Variants in USP31 observed in about 807,000 individuals in gnomAD.
USP31 encodes ubiquitin specific peptidase 31, also known as ubiquitin carboxyl-terminal hydrolase 31.
In USP31, 44 loss-of-function variants were observed where a neutral mutation model predicts 119.4. That is an observed-to-expected ratio of 0.37 (90% CI 0.29 to 0.47). The LOEUF (loss-of-function observed/expected upper bound fraction) is 0.47. Among genes scored for constraint, USP31 ranks in the 20% least tolerant of loss-of-function variants. The pLI, the probability that USP31 is intolerant of heterozygous loss-of-function variation, is 0.99. For synonymous variants in USP31, 749 were observed against 705.6 expected (o/e 1.06, Z -0.97); for missense variants, 1,643 against 1,730.2 (o/e 0.95, Z 0.89).
chr16:23,084,743 CATAT>C lies in USP31; in HGVS notation c.1830+113_1830+116del, dbSNP rs1297713095. Reference sequence around the variant, plus strand: ...GATGCTCATTACATGTGCAGACTTACATATATGCAAAATCCTGCGGCGACTTCTG... The same window carrying C: ...GATGCTCATTACATGTGCAGACTTACATGCAAAATCCTGCGGCGACTTCTG... On this transcript the variant is annotated intron_variant, in intron 11 of 15. Transcript: ENST00000219689. 3.6e-6 allele frequency: 5 copies of C among 1,391,110 alleles called. No individual in the cohort carries two copies. In the African/African-American group the frequency reaches 7.2e-5, roughly 20 times the overall value. The allele number at this position is 1,391,110 out of a possible 1,614,324, so 86.2% of individuals were successfully genotyped here.
Position 23,068,594 on chromosome 16 carries a change from T to C in USP31, c.3511A>G (p.Thr1171Ala), listed in dbSNP as rs765986233. Reference protein sequence around the residue: ...QSLGSDRASATSTSKPNSPRV... With the variant: ...QSLGSDRASAASTSKPNSPRV... ...GGGGAATTGGGTTTGGAGGTGGAGG[T>C]GGCGCTGGCTCTGTCAGAACCCAAG... Residue 1171 changes from threonine to alanine, a missense_variant, in exon 16 of 16, where the codon ACC (threonine) becomes GCC (alanine). By Grantham distance (58) the Thr-to-Ala change is moderately conservative. This residue lies in a region of USP31 where 699 missense variants were observed against 650.9 expected (regional missense o/e 1.07). Transcript: ENST00000219689. 23 of 1,613,796 alleles carry C rather than the reference T, an allele frequency of 1.4e-5. No individual in the cohort carries two copies. The highest frequency in any genetic ancestry group is 1.7e-5 in the Admixed American group (1 of 59,976).
chr16:23,075,740 C>T (rs571218060), intron 13 of USP31, among the ~76,000 whole-genome samples: 1 of 152,154 alleles, frequency 6.6e-6, no homozygotes, highest in African/African-American at 2.4e-5. Context: ...TCGATTATAT[C>T]ATTATACCAT....
At position 23,063,749 on chromosome 16, in the gene USP31, CTT is replaced by C. The variant is rs1899948475; in HGVS notation, c.*4295_*4296del. ...TAATTGTTGCCTTTTTTTTTTAAGACTTAACATTTCATGTCTATATGTTTTAT... is the reference window on the plus strand; with the variant it reads ...TAATTGTTGCCTTTTTTTTTTAAGACAACATTTCATGTCTATATGTTTTAT... On this transcript the variant is annotated 3_prime_UTR_variant, in exon 16 of 16. Coordinates refer to ENST00000219689, the MANE Select transcript of USP31 (RefSeq NM_020718.4). 6.6e-6 allele frequency: 1 copy of C among 150,936 alleles called. No homozygotes were observed. Among genetic ancestry groups the C allele is most frequent in the Non-Finnish European group, 1.5e-5 (1 of 67,818 alleles). 9.3% of individuals were successfully genotyped at this position (150,936 alleles called of 1,614,324 possible).
intron 1 of USP31, among the ~76,000 whole-genome samples, chr16:23,114,000 G>C (rs767387626): frequency 7.9e-5 from 12 of 152,062 alleles, no homozygotes; most frequent in Non-Finnish European, 1.3e-4. Context: ...AGCTATTTAG[G>C]CGACTGAGGC....
Position 23,066,561 on chromosome 16 carries a change from G to A in USP31, c.*1485C>T, listed in dbSNP as rs1346057019. 2 of 151,994 alleles carry A rather than the reference G, an allele frequency of 1.3e-5. No homozygotes were observed. Among genetic ancestry groups the A allele is most frequent in the Non-Finnish European group, 2.9e-5 (2 of 68,016 alleles). The allele number at this position is 151,994 out of a possible 1,614,324, so 9.4% of individuals were successfully genotyped here. A position where few individuals can be genotyped will look rare whatever the true frequency, so the allele number is the denominator to read the frequency against. ...GAACTTGAAGAGTCTGACGAAAAACGCTAATATTTAAAAGCACATAAACTT... is the reference window on the plus strand; with the variant it reads ...GAACTTGAAGAGTCTGACGAAAAACACTAATATTTAAAAGCACATAAACTT... On this transcript the variant is annotated 3_prime_UTR_variant, in exon 16 of 16. Coordinates refer to ENST00000219689, the MANE Select transcript of USP31 (RefSeq NM_020718.4).
chr16:23,127,630 C>G (rs1902902434), intron 1 of USP31, among the ~76,000 whole-genome samples: 2 of 148,944 alleles, frequency 1.3e-5, no homozygotes, highest in Non-Finnish European at 3.0e-5. Flanking sequence ...CTGCGCCTGG[C>G]TAATTTTTGT....
chr16:23,133,557 G>C (rs150699062), intron 1 of USP31, among the ~76,000 whole-genome samples: 1 of 152,110 alleles, frequency 6.6e-6, no homozygotes, highest in Non-Finnish European at 1.5e-5. Flanking sequence ...CTGATCCTTG[G>C]AAGAATGTAT....
At chr16:23,144,773 C>A (rs1179276574) in intron 1 of USP31, among the ~76,000 whole-genome samples, 1 of 152,160 alleles carries the variant, frequency 6.6e-6, no homozygotes, top group South Asian at 2.1e-4. Flanking sequence ...TGAGCCACTG[C>A]GTCCTGCCTT....
Position 23,106,879 on chromosome 16 carries a change from G to C in USP31, c.772-392C>G, listed in dbSNP as rs141525527. On this transcript the variant is annotated intron_variant, in intron 2 of 15. Transcript: ENST00000219689. ...TGTAATCCCAACACTTTGAGAGGCAGGGGTGGGCGGATCACTTGAGGTCGG... is the reference window on the plus strand; with the variant it reads ...TGTAATCCCAACACTTTGAGAGGCACGGGTGGGCGGATCACTTGAGGTCGG... Among the ~76,000 whole-genome samples the C allele has an allele frequency of 2.3e-3, 355 of 152,284 alleles. 2 individuals carry two copies. The highest frequency in any genetic ancestry group is 0.017 in the Middle Eastern group (5 of 294).
chr16:23,146,966 T>TAA (rs35550112), intron 1 of USP31, among the ~76,000 whole-genome samples: 5 of 131,670 alleles, frequency 3.8e-5, no homozygotes, highest in African/African-American at 8.6e-5. Flanking sequence ...TTGTTCTGTT[T>TAA]AAAAAAAAAA....
Position 23,149,225 on chromosome 16 carries a change from TCGC to T in USP31, c.43_45del (p.Ala15del), listed in dbSNP as rs1161061507. The T allele has an allele frequency of 1.8e-6, 2 of 1,131,894 alleles. No individual in the cohort carries two copies. The highest frequency in any genetic ancestry group is 2.2e-6 in the Non-Finnish European group (2 of 921,952). 70.1% of individuals were successfully genotyped at this position (1,131,894 alleles called of 1,614,324 possible). Reference sequence around the variant, plus strand: ...CTGAAGGAGCGCTTCTCCTTCCCGCTCGCCGCCGCCGGCGGCCCGGACCCAGGC... The same window carrying T: ...CTGAAGGAGCGCTTCTCCTTCCCGCTCGCCGCCGGCGGCCCGGACCCAGGC... On this transcript the variant is annotated inframe_deletion, in exon 1 of 16. Transcript: ENST00000219689.
chr16:23,122,045 T>A (rs866280140), intron 1 of USP31, among the ~76,000 whole-genome samples: 3 of 152,328 alleles, frequency 2.0e-5, no homozygotes, highest in Middle Eastern at 3.4e-3. Context: ...GATGAAAATC[T>A]GGATATATGG....
At chr16:23,129,988 G>A (rs541308573) in intron 1 of USP31, among the ~76,000 whole-genome samples, 1 of 152,244 alleles carries the variant, frequency 6.6e-6, no homozygotes, top group African/African-American at 2.4e-5. Context: ...CTCTATACCA[G>A]GCACCATATT....
At chr16:23,133,406 A>C (rs973205168) in intron 1 of USP31, among the ~76,000 whole-genome samples, 1 of 152,164 alleles carries the variant, frequency 6.6e-6, no homozygotes, top group South Asian at 2.1e-4. Context: ...CCAGGCACAG[A>C]GATTCGATGT....
chr16:23,089,600 A>G (rs910219254), intron 7 of USP31, among the ~76,000 whole-genome samples: 1 of 152,170 alleles, frequency 6.6e-6, no homozygotes, highest in African/African-American at 2.4e-5. Context: ...TCAAAGCAAA[A>G]TTTTCAAAGG....
chr16:23,066,221 A>G lies in USP31; in HGVS notation c.*1825T>C, dbSNP rs1308160434. 1.3e-5 allele frequency: 2 copies of G among 152,626 alleles called. No homozygotes were observed. Among genetic ancestry groups the G allele is most frequent in the East Asian group, 1.9e-4 (1 of 5,202 alleles). 9.5% of individuals were successfully genotyped at this position (152,626 alleles called of 1,614,324 possible). A position where few individuals can be genotyped will look rare whatever the true frequency, so the allele number is the denominator to read the frequency against. On this transcript the variant is annotated 3_prime_UTR_variant, in exon 16 of 16. Transcript: ENST00000219689. ...AACAGGCTCACAGTCAATGAATCAC[A>G]TGGAGCACTGTGGTAACTTTCACAA... is the stretch of plus-strand genomic sequence containing the variant.
chr16:23,134,526 G>A (rs1409160937), intron 1 of USP31, among the ~76,000 whole-genome samples: 2 of 152,114 alleles, frequency 1.3e-5, no homozygotes, highest in African/African-American at 4.8e-5. Flanking sequence ...AGCAAGTGGT[G>A]CAGCCAGGAT....
In USP31 at chr16:23,106,384, C is replaced by G. The variant is rs778047669; in HGVS notation, c.860+15G>C. 9.3e-6 allele frequency: 15 copies of G among 1,613,516 alleles called. No homozygotes were observed. The highest frequency in any genetic ancestry group is 8.9e-5 in the East Asian group (4 of 44,878). ...AGGTAAACAAAATAAGTGGAAACAT[C>G]CGATTTTCTCATACCTGTATTGCGC... On this transcript the variant is annotated intron_variant, in intron 3 of 15. Transcript: ENST00000219689.
chr16:23,094,723 T>C (rs887969588), intron 6 of USP31, among the ~76,000 whole-genome samples: 3 of 151,910 alleles, frequency 2.0e-5, no homozygotes, highest in Non-Finnish European at 2.9e-5. Flanking sequence ...GGGTCTGGAG[T>C]GGACCTCCAG....
Sources: allele counts gnomAD v4.1 joint callset (sites outside exome capture counted in the v4.1 genomes callset), GRCh38; gene constraint gnomAD v4.1.1; regional missense constraint gnomAD v4.1.1; transcripts MANE v1.5; gene names NCBI Gene and HGNC (gene_info 2026-07-23, HGNC 2026-07-21).